The following PPFIBP2 variants were observed in gnomAD, a reference collection of about 807,000 sequenced individuals.
PPFIBP2 encodes PPFIB scaffold protein 2.
Under a neutral mutation model 118.3 loss-of-function variants are expected in PPFIBP2, and 118 were observed. The observed-to-expected ratio is 1.00, with a 90% CI of 0.86 to 1.16. The LOEUF is 1.16. Among genes scored for constraint, PPFIBP2 ranks in the 50% most tolerant of loss-of-function variants. The pLI, the probability that PPFIBP2 is intolerant of heterozygous loss-of-function variation, is 0.00. For missense variants in PPFIBP2, 1,195 were observed against 1,073.1 expected (o/e 1.11, Z -1.59); for synonymous variants, 414 against 397.4 (o/e 1.04, Z -0.50).
At chr11:7,629,665 G>A in intron 10 of PPFIBP2, 131 bp downstream of exon 10, 1 of 843,646 alleles carries the variant, frequency 1.2e-6, no homozygotes. Flanking sequence ...GAACAGAGCT[G>A]TTTAGACTTT....
intron 2 of PPFIBP2, among the ~76,000 whole-genome samples, chr11:7,562,931 A>T (rs1413728156): frequency 3.6e-3 from 12 of 3,334 alleles, no homozygotes; most frequent in African/African-American, 0.013. Flanking sequence ...TTAAAGTTTT[A>T]TATATATATA....
chr11:7,623,947 C>T (rs1018073793), intron 7 of PPFIBP2, among the ~76,000 whole-genome samples: 1 of 152,196 alleles, frequency 6.6e-6, no homozygotes, highest in Non-Finnish European at 1.5e-5. Context: ...CTGCATGTCT[C>T]AGAAAGTGGG....
intron 1 of PPFIBP2, chr11:7,538,246 G>C (rs1223130175): frequency 6.6e-6 from 1 of 152,450 alleles, no homozygotes; most frequent in Non-Finnish European, 1.5e-5. Context: ...TGTCTTTGGG[G>C]TGGTGTTTCT....
At position 7,631,036 on chromosome 11, in the gene PPFIBP2, G is replaced by A. The variant is rs1363139450; in HGVS notation, c.1068+8G>A. On this transcript the variant is annotated splice_region_variant and intron_variant, in intron 11 of 23. Coordinates refer to ENST00000299492, the MANE Select transcript of PPFIBP2 (RefSeq NM_003621.5). ...GAATTATTTAAACAAGAGGTACTGT[G>A]TTTCCATCCATGACGTAGGGTTTCA... The A allele has an allele frequency of 6.2e-7, 1 of 1,607,866 alleles. No homozygotes were observed. Among genetic ancestry groups the A allele is most frequent in the Admixed American group, 1.7e-5 (1 of 59,996 alleles).
chr11:7,622,851 G>A lies in PPFIBP2; in HGVS notation c.711+1824G>A, dbSNP rs566260760. ...GGAAACCTTTGAAGTTGTACATACC[G>A]CCCTCTGTCATAAAACCAAATAACA... On this transcript the variant is annotated intron_variant, in intron 7 of 23. Transcript: ENST00000299492. 7.9e-5 allele frequency among the ~76,000 whole-genome samples: 12 copies of A among 152,246 alleles called. No homozygotes were observed. In the South Asian group the frequency reaches 1.5e-3, roughly 18 times the overall value.
downstream of PPFIBP2, chr11:7,656,779 A>C: frequency 7.8e-7 from 1 of 1,289,658 alleles, no homozygotes; most frequent in South Asian, 1.2e-5. Flanking sequence ...CCTGCCCCCA[A>C]CTCTGATGAC....
At chr11:7,656,571 AC>A (rs1590843847), downstream of PPFIBP2, among the ~76,000 whole-genome samples, 1 of 152,152 alleles carries the variant, frequency 6.6e-6, no homozygotes, top group Admixed American at 6.5e-5. Context: ...GTTTATTCTG[AC>A]CCAATACTCA....
At chr11:7,653,785 G>T (rs1463858009), downstream of PPFIBP2, 3 of 1,186,552 alleles carry the variant, frequency 2.5e-6, no homozygotes, top group Non-Finnish European at 3.2e-6. Context: ...CTTTAACTTT[G>T]TTGGGGAAAA....
chr11:7,565,321 C>T (rs1854837377), intron 2 of PPFIBP2, among the ~76,000 whole-genome samples: 1 of 152,168 alleles, frequency 6.6e-6, no homozygotes, highest in Admixed American at 6.5e-5. Context: ...AGAGTAGTGA[C>T]TATTCGCAAG....
chr11:7,514,824 T>C (rs975561175), intron 1 of PPFIBP2, among the ~76,000 whole-genome samples: 1 of 152,236 alleles, frequency 6.6e-6, no homozygotes, highest in Non-Finnish European at 1.5e-5. Context: ...CAGGCATTCT[T>C]GCCAGTGTTT....
intron 1 of PPFIBP2, among the ~76,000 whole-genome samples, chr11:7,543,478 C>T (rs1292767645): frequency 3.3e-5 from 5 of 152,210 alleles, no homozygotes; most frequent in African/African-American, 7.2e-5. Context: ...TGTCTAGTGG[C>T]AGCTGCTAAG....
At chr11:7,554,516 A>G (rs1853359413) in intron 2 of PPFIBP2, among the ~76,000 whole-genome samples, 1 of 152,168 alleles carries the variant, frequency 6.6e-6, no homozygotes, top group African/African-American at 2.4e-5. Flanking sequence ...TGCATCAACT[A>G]AAACAGTGCA....
At chr11:7,631,050 C>T (rs747360636) in intron 11 of PPFIBP2, 22 bp downstream of exon 11, 15 of 1,588,312 alleles carry the variant, frequency 9.4e-6, no homozygotes, top group South Asian at 7.7e-5. Context: ...CCATCCATGA[C>T]GTAGGGTTTC....
rs1853475864 is a variant in PPFIBP2, at chr11:7,648,543, G to A, written c.1797+6G>A. On this transcript the variant is annotated splice_donor_region_variant and intron_variant, in intron 18 of 23. Coordinates refer to ENST00000299492, the MANE Select transcript of PPFIBP2 (RefSeq NM_003621.5). ...CCCCTCAGGACATGGAAAAGGTAAGGGCTCAGCTTGGGGAGAGGAGGCTCC... is the reference window on the plus strand; with the variant it reads ...CCCCTCAGGACATGGAAAAGGTAAGAGCTCAGCTTGGGGAGAGGAGGCTCC... 4 of 1,613,748 alleles carry A rather than the reference G, an allele frequency of 2.5e-6. No homozygotes were observed. The highest frequency in any genetic ancestry group is 4.5e-5 in the East Asian group (2 of 44,844).
intron 12 of PPFIBP2, 43 bp from the exon 13 acceptor site, chr11:7,634,452 A>T: frequency 4.0e-5 from 50 of 1,260,500 alleles, no homozygotes; most frequent in Non-Finnish European, 5.4e-5. Flanking sequence ...GATAACATGT[A>T]CCTCCTTCTC....
At chr11:7,609,648 C>A (rs893672390) in intron 5 of PPFIBP2, among the ~76,000 whole-genome samples, 1 of 152,172 alleles carries the variant, frequency 6.6e-6, no homozygotes, top group Non-Finnish European at 1.5e-5. Flanking sequence ...CTAGTAATAA[C>A]CTCCCTGGTC....
chr11:7,558,815 G>A (rs150351660), intron 2 of PPFIBP2, among the ~76,000 whole-genome samples: 1,608 of 152,062 alleles, frequency 0.011, 45 homozygotes, highest in African/African-American at 0.036. Context: ...TGCATTGTAT[G>A]TGGTCTTATC....
At chr11:7,556,166 TATA>T (rs899403930) in intron 2 of PPFIBP2, among the ~76,000 whole-genome samples, 1 of 152,244 alleles carries the variant, frequency 6.6e-6, no homozygotes, top group Non-Finnish European at 1.5e-5. Flanking sequence ...TAAATTTCTT[TATA>T]AGACGGCCAG....
chr11:7,607,801 A>G (rs1847578997), intron 5 of PPFIBP2, among the ~76,000 whole-genome samples: 1 of 152,204 alleles, frequency 6.6e-6, no homozygotes, highest in African/African-American at 2.4e-5. Flanking sequence ...AGTTTATGGC[A>G]TAGATTTTCT....
Sources: gnomAD v4.1 joint callset for allele counts (sites outside exome capture counted in the v4.1 genomes callset) on GRCh38, gnomAD v4.1.1 for gene constraint, MANE v1.5 for transcripts, NCBI Gene and HGNC (gene_info 2026-07-23, HGNC 2026-07-21) for gene names.